Variants in TMEM71 observed in about 807,000 individuals in gnomAD.
TMEM71 encodes transmembrane protein 71.
TMEM71 carries 44 observed loss-of-function variants against 38.0 expected under a neutral mutation model. The observed-to-expected ratio is 1.16, with a 90% CI of 0.91 to 1.49. TMEM71 has a LOEUF of 1.49. Ranked by LOEUF, TMEM71 falls within the 40% of genes most tolerant of loss-of-function variation. TMEM71 has a pLI of 0.00. For synonymous variants in TMEM71, 133 were observed against 122.5 expected, an observed-to-expected ratio of 1.09 and a Z score of -0.56; for missense variants, 367 against 348.6, an observed-to-expected ratio of 1.05 and a Z score of -0.42.
At chr8:132,755,015 C>A (rs564203944) in intron 3 of TMEM71, among the ~76,000 whole-genome samples, 17 of 152,144 alleles carry the variant, frequency 1.1e-4, no homozygotes, top group African/African-American at 4.1e-4. Flanking sequence ...AGGTAAAAAT[C>A]TAGATCTTTT....
intron 9 of TMEM71, 152 bp downstream of exon 9, chr8:132,713,843 T>C (rs1826362389): frequency 7.2e-6 from 5 of 695,384 alleles, no homozygotes; most frequent in South Asian, 5.7e-5. Context: ...GATAATACTA[T>C]TAAATTTTAG....
At chr8:132,730,756 G>A (rs1328975304) in intron 5 of TMEM71, among the ~76,000 whole-genome samples, 1 of 152,082 alleles carries the variant, frequency 6.6e-6, no homozygotes, top group East Asian at 1.9e-4. Context: ...TCATGACTAA[G>A]GGAAATATGA....
intron 5 of TMEM71, among the ~76,000 whole-genome samples, chr8:132,730,283 G>T (rs919469142): frequency 3.9e-5 from 6 of 152,016 alleles, no homozygotes; most frequent in Admixed American, 3.9e-4. Context: ...TACTAACCTG[G>T]GAAATTAATA....
intron 5 of TMEM71, among the ~76,000 whole-genome samples, chr8:132,737,340 T>C (rs1450723946): frequency 1.3e-5 from 2 of 152,206 alleles, no homozygotes; most frequent in Non-Finnish European, 2.9e-5. Context: ...AGAGATAACT[T>C]CTCCTTTGCC....
chr8:132,741,996 G>C (rs978692693), intron 5 of TMEM71, among the ~76,000 whole-genome samples: 1 of 152,222 alleles, frequency 6.6e-6, no homozygotes, highest in Non-Finnish European at 1.5e-5. Flanking sequence ...GTCACCACTA[G>C]ACCAAGGAGC....
At position 132,722,082 on chromosome 8, in the gene TMEM71, GC is replaced by G; in HGVS notation, c.709del (p.Ala237GlnfsTer8). ...TRLLQEVFFQ[A>X]ILLAVCLIIS... is the part of the protein sequence containing the mutation. ...GATTAAGCACACAGCAAGCAGGATT[GC>G]CTGAAAGAAGACCTCTTGCAACAAC... On this transcript the variant is annotated frameshift_variant, in exon 7 of 10. Coordinates refer to ENST00000677595, the MANE Select transcript of TMEM71 (RefSeq NM_001382403.1). LOFTEE classifies it high-confidence loss of function. 1 of 1,614,012 alleles carries G rather than the reference GC, an allele frequency of 6.2e-7. No homozygotes were observed. Among genetic ancestry groups the G allele is most frequent in the East Asian group, 2.2e-5 (1 of 44,880 alleles).
chr8:132,775,418 C>CGGCGGCGAT, the TMEM71 span: 7 of 384,192 alleles, frequency 1.8e-5, no homozygotes, highest in East Asian at 7.8e-5. Flanking sequence ...GCGGCGGCGG[C>CGGCGGCGAT]GGCGGCGATG....
chr8:132,733,596 G>A (rs1332145210), intron 5 of TMEM71, among the ~76,000 whole-genome samples: 2 of 152,188 alleles, frequency 1.3e-5, no homozygotes, highest in Non-Finnish European at 2.9e-5. Context: ...GCTTGACAAA[G>A]CAGTCTGTGG....
downstream of TMEM71, among the ~76,000 whole-genome samples, chr8:132,708,229 G>GACAT: frequency 6.6e-6 from 1 of 152,262 alleles, no homozygotes; most frequent in Middle Eastern, 3.4e-3. Context: ...GACATCCAGT[G>GACAT]ATGTACAAGT....
chr8:132,745,342 T>A (rs1828279476), intron 5 of TMEM71, among the ~76,000 whole-genome samples: 1 of 151,906 alleles, frequency 6.6e-6, no homozygotes, highest in African/African-American at 2.4e-5. Flanking sequence ...AAAAACCAAA[T>A]AATCCCATAT....
chr8:132,758,898 T>G lies in TMEM71; in HGVS notation c.-19A>C. ...GGTACATCTTGGGAAGGCCGCTTGC[T>G]CAAACTTCACAGATTCTCTGCAAAA... On this transcript the variant is annotated 5_prime_UTR_variant, in exon 2 of 10. It removes the in-frame stop codon of an upstream open reading frame in the 5' UTR. Transcript: ENST00000677595. 6.2e-7 allele frequency: 1 copy of G among 1,612,378 alleles called. No individual in the cohort carries two copies. Among genetic ancestry groups the G allele is most frequent in the Non-Finnish European group, 8.5e-7 (1 of 1,178,638 alleles).
chr8:132,760,939 C>T (rs1829281150), upstream of TMEM71, among the ~76,000 whole-genome samples: 1 of 152,122 alleles, frequency 6.6e-6, no homozygotes, highest in African/African-American at 2.4e-5. Flanking sequence ...GATCTTTGTC[C>T]AAATCACTTA....
At chr8:132,706,557 G>T (rs28417818), downstream of TMEM71, among the ~76,000 whole-genome samples, 19,438 of 151,924 alleles carry the variant, frequency 0.13, 1,485 homozygotes, top group East Asian at 0.31. Flanking sequence ...GAAGTTGGAG[G>T]GTGTGCCTTT....
upstream of TMEM71, among the ~76,000 whole-genome samples, chr8:132,761,528 T>C (rs762748464): frequency 6.6e-6 from 1 of 152,202 alleles, no homozygotes; most frequent in Non-Finnish European, 1.5e-5. Context: ...TTTCCTGGGG[T>C]TCCCTTTCCC....
At chr8:132,719,160 A>T (rs1361724679) in intron 7 of TMEM71, among the ~76,000 whole-genome samples, 4 of 152,226 alleles carry the variant, frequency 2.6e-5, no homozygotes, top group Admixed American at 2.6e-4. Context: ...GCGCCCTTTA[A>T]GGTTCCTTGG....
chr8:132,775,635 A>T, the TMEM71 span: 2 of 340,452 alleles, frequency 5.9e-6, no homozygotes, highest in Non-Finnish European at 1.1e-5. Context: ...TGCAGAGAGG[A>T]GGCCGAGTCG....
intron 6 of TMEM71, among the ~76,000 whole-genome samples, chr8:132,723,427 A>T (rs947088025): frequency 1.1e-4 from 16 of 152,206 alleles, no homozygotes; most frequent in African/African-American, 3.6e-4. Flanking sequence ...GGGATGAATT[A>T]TTCATGGATT....
rs1448223137 is a variant in TMEM71, at chr8:132,754,498, A to AGTT, written c.102-2504_102-2502dup. 4.5e-4 allele frequency among the ~76,000 whole-genome samples: 68 copies of AGTT among 152,230 alleles called. 1 individual carries two copies. The highest frequency in any genetic ancestry group is 2.0e-3 in the Admixed American group (31 of 15,288). On this transcript the variant is annotated intron_variant, in intron 3 of 9. Coordinates refer to ENST00000677595, the MANE Select transcript of TMEM71 (RefSeq NM_001382403.1). ...TTGCTAATTATTCTCTCCAAGGTTTAGTTGTTGTTGTTATTGTTGTTGTTG... is the reference window on the plus strand; with the variant it reads ...TTGCTAATTATTCTCTCCAAGGTTTAGTTGTTGTTGTTGTTATTGTTGTTGTTG...
At chr8:132,737,104 G>C (rs1827791698) in intron 5 of TMEM71, among the ~76,000 whole-genome samples, 1 of 152,154 alleles carries the variant, frequency 6.6e-6, no homozygotes, top group Non-Finnish European at 1.5e-5. Flanking sequence ...TGGTGGGGAA[G>C]GAGGAGTGAC....
Sources: allele counts gnomAD v4.1 joint callset (sites outside exome capture counted in the v4.1 genomes callset), GRCh38; gene constraint gnomAD v4.1.1; transcripts MANE v1.5; gene names NCBI Gene and HGNC (gene_info 2026-07-23, HGNC 2026-07-21).